Variants in CIROP observed in about 807,000 individuals in gnomAD.
CIROP encodes leishmanolysin homolog.
the CIROP span, chr14:23,099,632 T>G: frequency 5.2e-6 from 2 of 383,308 alleles, no homozygotes; most frequent in Admixed American, 4.8e-5. Flanking sequence ...TGATCTTGGC[T>G]CACCGTAATC....
At chr14:23,104,518 A>G in the CIROP span, 3 of 702,756 alleles carry the variant, frequency 4.3e-6, no homozygotes, top group Admixed American at 6.0e-5. Context: ...TTGGAATTCC[A>G]GTTCTCTTTC....
chr14:23,100,718 T>C, the CIROP span: 1 of 398,988 alleles, frequency 2.5e-6, no homozygotes, highest in Non-Finnish European at 4.4e-6. Flanking sequence ...AGAGATATAG[T>C]TCCTGGCAGA....
chr14:23,104,953 G>A, the CIROP span: 1 of 663,934 alleles, frequency 1.5e-6, no homozygotes. Flanking sequence ...GATACAGCCT[G>A]GATCCTGTCT....
chr14:23,102,185 T>G, the CIROP span: 173 of 702,740 alleles, frequency 2.5e-4, no homozygotes, highest in Non-Finnish European at 4.1e-4. Context: ...TCGAGTCGAG[T>G]GCGCTGGGCT....
At chr14:23,101,127 G>A in the CIROP span, 1 of 402,488 alleles carries the variant, frequency 2.5e-6, no homozygotes, top group Non-Finnish European at 4.4e-6. Flanking sequence ...ACCTGTTCAA[G>A]TCTTCCTTCT....
At chr14:23,099,791 A>G in the CIROP span, 5 of 220,248 alleles carry the variant, frequency 2.3e-5, no homozygotes, top group East Asian at 5.0e-4. Flanking sequence ...CATTAAGCTA[A>G]ACAGGAAATC....
At chr14:23,101,487 G>A in the CIROP span, 4 of 613,874 alleles carry the variant, frequency 6.5e-6, no homozygotes, top group Non-Finnish European at 1.2e-5. Flanking sequence ...AGAAGCAACG[G>A]CTCTGGGGAT....
the CIROP span, chr14:23,102,837 T>C: frequency 1.9e-5 from 12 of 642,678 alleles, no homozygotes; most frequent in African/African-American, 2.2e-4. Flanking sequence ...CCATCCTCTG[T>C]GGGTTCTTTG....
chr14:23,103,803 G>C, the CIROP span: 1 of 702,724 alleles, frequency 1.4e-6, no homozygotes, highest in Non-Finnish European at 2.6e-6. Flanking sequence ...TAACCGCGAA[G>C]ATGGGTGTCA....
the CIROP span, chr14:23,103,451 G>A: frequency 4.4e-5 from 20 of 451,268 alleles, 1 homozygote; most frequent in Non-Finnish European, 7.0e-5. Context: ...CTACTCAGGA[G>A]GCTGAGATGG....
chr14:23,099,364 A>G, the CIROP span: 1 of 413,494 alleles, frequency 2.4e-6, no homozygotes, highest in Non-Finnish European at 4.4e-6. Context: ...TCTCACAGGA[A>G]GAGTGGCTCT....
At chr14:23,101,716 C>T in the CIROP span, 2 of 702,886 alleles carry the variant, frequency 2.8e-6, no homozygotes, top group Admixed American at 4.0e-5. Context: ...AGCATGGGGT[C>T]TGAGGAGCAG....
chr14:23,102,033 T>G, the CIROP span: 837 of 701,302 alleles, frequency 1.2e-3, 3 homozygotes, highest in African/African-American at 0.013. Flanking sequence ...AGCCTCCCAC[T>G]TCCCCCAGAG....
chr14:23,101,696 G>A, the CIROP span: 2 of 702,946 alleles, frequency 2.8e-6, no homozygotes, highest in Non-Finnish European at 5.2e-6. Context: ...TGTACATGCG[G>A]CAGCCTTCCA....
At chr14:23,103,595 C>G in the CIROP span, 3 of 407,980 alleles carry the variant, frequency 7.4e-6, no homozygotes, top group Admixed American at 4.5e-5. Flanking sequence ...AACAAAACTG[C>G]TTTTATGCTC....
At chr14:23,100,208 T>A in the CIROP span, 1 of 247,652 alleles carries the variant, frequency 4.0e-6, no homozygotes, top group Non-Finnish European at 8.0e-6. Flanking sequence ...TGAGCTGAGA[T>A]CACCCCACTG....
chr14:23,103,999 G>A, the CIROP span, among the ~76,000 whole-genome samples: 1 of 152,190 alleles, frequency 6.6e-6, no homozygotes, highest in Non-Finnish European at 1.5e-5. Flanking sequence ...AGGGAGAGGA[G>A]CTCAAGAATC....
chr14:23,099,636 C>T, the CIROP span: 8 of 381,732 alleles, frequency 2.1e-5, no homozygotes, highest in Admixed American at 4.6e-5. Flanking sequence ...CTTGGCTCAC[C>T]GTAATCTCCG....
the CIROP span, chr14:23,100,604 C>T: frequency 5.0e-6 from 2 of 401,494 alleles, no homozygotes; most frequent in Non-Finnish European, 8.8e-6. Context: ...AACTGAAGGC[C>T]CTTGGCAGCC....
Sources: gnomAD v4.1 joint callset for allele counts (sites outside exome capture counted in the v4.1 genomes callset) on GRCh38, gnomAD v4.1.1 for gene constraint, MANE v1.5 for transcripts, NCBI Gene and HGNC (gene_info 2026-07-23, HGNC 2026-07-21) for gene names.